NUP214: variants seen among roughly 807,000 people sequenced by gnomAD.
The protein encoded by NUP214 is nuclear pore complex protein Nup214.
Under a neutral mutation model 196.2 loss-of-function variants are expected in NUP214, and 79 were observed. That is an observed-to-expected ratio of 0.40 (90% CI 0.34 to 0.49). The LOEUF (loss-of-function observed/expected upper bound fraction) is 0.49, where lower values mean the gene tolerates loss of function less well. NUP214 is among the 20% of genes least tolerant of loss of function. The probability of loss-of-function intolerance (pLI) is 0.58; values close to 1 mark genes in which losing one functional copy is unlikely to be tolerated. For missense variants in NUP214, 2,468 were observed against 2,539.0 expected (o/e 0.97, Z 0.60); for synonymous variants, 1,020 against 990.5 (o/e 1.03, Z -0.56).
Position 131,215,203 on chromosome 9 carries a change from G to GT in NUP214, c.5593-3dup, listed in dbSNP as rs753719894. On this transcript the variant is annotated splice_polypyrimidine_tract_variant and intron_variant, in intron 30 of 35. Coordinates refer to ENST00000359428, the MANE Select transcript of NUP214 (RefSeq NM_005085.4). ...TCCTATCTTGCTTCCTGACCCTTTT[G>GT]TTTTTTAGCAATCATCCTCTTCCAG... 16 of 1,510,724 alleles carry GT rather than the reference G, an allele frequency of 1.1e-5. No homozygotes were observed. The highest frequency in any genetic ancestry group is 1.3e-5 in the Non-Finnish European group (15 of 1,130,036). 93.6% of individuals were successfully genotyped at this position (1,510,724 alleles called of 1,614,324 possible). A position where few individuals can be genotyped will look rare whatever the true frequency, so the allele number is the denominator to read the frequency against.
intron 30 of NUP214, among the ~76,000 whole-genome samples, chr9:131,205,973 A>G (rs999115816): frequency 6.6e-6 from 1 of 151,980 alleles, no homozygotes; most frequent in East Asian, 1.9e-4. Context: ...ATGAGCCACC[A>G]TGCCCAGCCT....
At chr9:131,151,664 C>A (rs971007156) in intron 16 of NUP214, 72 bp from the exon 17 acceptor site, 4 of 1,227,496 alleles carry the variant, frequency 3.3e-6, no homozygotes, top group Admixed American at 2.4e-5. Context: ...GAAACACCAC[C>A]TTCCTTGATC....
At chr9:131,137,798 G>A (rs1292186660) in intron 9 of NUP214, among the ~76,000 whole-genome samples, 2 of 152,056 alleles carry the variant, frequency 1.3e-5, no homozygotes, top group South Asian at 2.1e-4. Flanking sequence ...TGATCCGCCC[G>A]CCTCAGCCTC....
In NUP214 at chr9:131,163,994, C is replaced by A. The variant is rs754046210; in HGVS notation, c.2809+39C>A. ...TCCCAGTCTTTTAACTCCCTTTATT[C>A]TCTTCCAAGTACTGATATCTTAAAA... is the stretch of plus-strand genomic sequence containing the variant. On this transcript the variant is annotated intron_variant, in intron 20 of 35. Coordinates refer to ENST00000359428, the MANE Select transcript of NUP214 (RefSeq NM_005085.4). The A allele has an allele frequency of 1.9e-6, 3 of 1,612,090 alleles. No homozygotes were observed. The African/African-American group carries it at 4.0e-5, about 21-fold the overall frequency.
intron 21 of NUP214, among the ~76,000 whole-genome samples, chr9:131,170,276 T>G (rs956209431): frequency 2.0e-5 from 3 of 152,126 alleles, no homozygotes; most frequent in Admixed American, 1.3e-4. Flanking sequence ...GCCGTTGCAC[T>G]CCAGCTTGGG....
intron 30 of NUP214, among the ~76,000 whole-genome samples, chr9:131,202,620 A>T (rs984609471): frequency 6.6e-6 from 1 of 151,206 alleles, no homozygotes; most frequent in African/African-American, 2.4e-5. Flanking sequence ...TTTTTGGTTG[A>T]GACGGGGTTT....
At position 131,201,179 on chromosome 9, in the gene NUP214, T is replaced by G. The variant is rs538103863; in HGVS notation, c.5522-468T>G. 1.4e-4 allele frequency among the ~76,000 whole-genome samples: 21 copies of G among 150,362 alleles called. No individual in the cohort carries two copies. The East Asian group carries it at 3.7e-3, about 27-fold the overall frequency. ...CACCTGAATGTCATTTAAAAAGAAA[T>G]AAACTTAGGCTGGGTGCGGTGGCCC... is the stretch of plus-strand genomic sequence containing the variant. On this transcript the variant is annotated intron_variant, in intron 29 of 35. Transcript: ENST00000359428.
intron 32 of NUP214, 46 bp downstream of exon 32, chr9:131,222,976 G>A (rs1439874476): frequency 6.4e-7 from 1 of 1,565,924 alleles, no homozygotes. Flanking sequence ...ATATGTATTT[G>A]TTTATGCATA....
At chr9:131,224,341 G>A (rs911802936) in intron 32 of NUP214, among the ~76,000 whole-genome samples, 1 of 152,178 alleles carries the variant, frequency 6.6e-6, no homozygotes, top group African/African-American at 2.4e-5. Context: ...GAGATCTGCG[G>A]AGAGTCTGCA....
chr9:131,144,626 C>T lies in NUP214; in HGVS notation c.1641C>T (p.Ser547=), dbSNP rs1832029730. ...SPVAPSAASF[S]FGSSGFKPTL... ...TGGCTCCATCAGCTGCTTCATTCTCCTTTGGATCATCTGGTTTTAAGCCTA... is the reference window on the plus strand; with the variant it reads ...TGGCTCCATCAGCTGCTTCATTCTCTTTTGGATCATCTGGTTTTAAGCCTA... The change falls in exon 12 of 36, where the codon TCC becomes TCT. Residue 547 remains serine, a synonymous_variant. Coordinates refer to ENST00000359428, the MANE Select transcript of NUP214 (RefSeq NM_005085.4). The T allele has an allele frequency of 6.2e-7, 1 of 1,614,074 alleles. No individual in the cohort carries two copies. The highest frequency in any genetic ancestry group is 1.1e-5 in the South Asian group (1 of 91,086).
intron 28 of NUP214, 67 bp downstream of exon 28, chr9:131,195,361 C>A (rs754330313): frequency 5.4e-6 from 7 of 1,298,204 alleles, no homozygotes; most frequent in South Asian, 1.2e-5. Context: ...TTATTTTTGC[C>A]CACATGTTAG....
intron 26 of NUP214, chr9:131,190,644 G>A (rs1278881129): frequency 3.9e-6 from 2 of 514,180 alleles, no homozygotes; most frequent in Non-Finnish European, 6.8e-6. Flanking sequence ...TTGTTTTTCT[G>A]ATTGTAAAAC....
intron 29 of NUP214, among the ~76,000 whole-genome samples, chr9:131,199,415 G>T (rs1833885835): frequency 1.3e-5 from 2 of 152,184 alleles, no homozygotes; most frequent in Non-Finnish European, 2.9e-5. Flanking sequence ...CTAATGTCAG[G>T]ATAGTGCCAG....
chr9:131,216,884 T>G, intron 31 of NUP214, among the ~76,000 whole-genome samples: 1 of 152,138 alleles, frequency 6.6e-6, no homozygotes, highest in Non-Finnish European at 1.5e-5. Context: ...AATCTGTTTG[T>G]GTAGATCTTT....
Position 131,159,368 on chromosome 9 carries a change from AT to A in NUP214, c.2437-8del. Reference sequence around the variant, plus strand: ...AGAAAAACAAGTTATTTGCCTTTTAATTTTTTTCTTATAGGAAATTCGGCGC... The same window carrying A: ...AGAAAAACAAGTTATTTGCCTTTTAATTTTTTCTTATAGGAAATTCGGCGC... On this transcript the variant is annotated splice_polypyrimidine_tract_variant and intron_variant, in intron 17 of 35. Transcript: ENST00000359428. 1 of 1,601,042 alleles carries A rather than the reference AT, an allele frequency of 6.2e-7. No individual in the cohort carries two copies. The highest frequency in any genetic ancestry group is 8.5e-7 in the Non-Finnish European group (1 of 1,171,614).
At chr9:131,131,762 C>T (rs898641391) in intron 5 of NUP214, among the ~76,000 whole-genome samples, 10 of 152,038 alleles carry the variant, frequency 6.6e-5, no homozygotes, top group Non-Finnish European at 1.5e-4. Flanking sequence ...CGTAATGGTT[C>T]ACTGCAGCCT....
intron 24 of NUP214, among the ~76,000 whole-genome samples, chr9:131,181,942 G>A (rs1290350544): frequency 6.6e-6 from 1 of 152,166 alleles, no homozygotes; most frequent in East Asian, 1.9e-4. Flanking sequence ...TGTGGTTTTA[G>A]CTCTTATATC....
intron 21 of NUP214, among the ~76,000 whole-genome samples, chr9:131,172,712 C>G (rs1375171204): frequency 6.6e-6 from 1 of 152,196 alleles, no homozygotes; most frequent in Non-Finnish European, 1.5e-5. Flanking sequence ...CCACATATGG[C>G]TACTGGCTAC....
intron 11 of NUP214, among the ~76,000 whole-genome samples, chr9:131,142,423 C>T (rs1380404337): frequency 3.3e-5 from 5 of 152,340 alleles, no homozygotes; most frequent in South Asian, 4.1e-4. Context: ...GGAGAAAGTC[C>T]GTCCCATCAG....
Sources: gnomAD v4.1 joint callset for allele counts (sites outside exome capture counted in the v4.1 genomes callset) on GRCh38, gnomAD v4.1.1 for gene constraint, MANE v1.5 for transcripts, NCBI Gene and HGNC (gene_info 2026-07-23, HGNC 2026-07-21) for gene names.